Variants in PRRX2 observed in about 807,000 individuals in gnomAD.
The protein encoded by PRRX2 is paired mesoderm homeobox protein 2.
Under a neutral mutation model 18.0 loss-of-function variants are expected in PRRX2, and 11 were observed. The observed-to-expected ratio is 0.61, with a 90% CI of 0.39 to 1.01. The LOEUF is 1.01. Ranked by LOEUF, PRRX2 falls within the 50% of genes least tolerant of loss-of-function variation. The pLI is 0.01. For synonymous variants in PRRX2, 177 were observed against 154.8 expected (o/e 1.14, Z -1.06); for missense variants, 387 against 351.0 (o/e 1.10, Z -0.82).
rs916225983 is a variant in PRRX2, at chr9:129,671,830, A to G, written c.259+5704A>G. ...GAGGAGGGATTTGGTTTTGGATCAC[A>G]AGTCCAGGCCTCCCTCTCCTGCACA... On this transcript the variant is annotated intron_variant, in intron 1 of 3. Transcript: ENST00000372469. This position sits in a 1 kb window ranked among gnomAD's most constrained non-coding sequence, Gnocchi z 4.0. Among the ~76,000 whole-genome samples, 1 of 152,112 alleles carries G rather than the reference A, an allele frequency of 6.6e-6. No individual in the cohort carries two copies. The highest frequency in any genetic ancestry group is 6.5e-5 in the Admixed American group (1 of 15,274).
intron 1 of PRRX2, among the ~76,000 whole-genome samples, chr9:129,677,059 T>C (rs1463510678): frequency 6.6e-6 from 1 of 152,244 alleles, no homozygotes; most frequent in Non-Finnish European, 1.5e-5. Flanking sequence ...GAAAACTGCA[T>C]AGGATTCTCC....
intron 1 of PRRX2, among the ~76,000 whole-genome samples, chr9:129,699,399 G>A (rs540671473): frequency 7.0e-4 from 106 of 152,180 alleles, no homozygotes; most frequent in Non-Finnish European, 1.2e-3. Context: ...ACTGCAGCCT[G>A]GGCAACAGGG....
intron 1 of PRRX2, among the ~76,000 whole-genome samples, chr9:129,699,057 C>G (rs1564151191): frequency 6.6e-6 from 1 of 152,242 alleles, no homozygotes; most frequent in African/African-American, 2.4e-5. Flanking sequence ...TGAGCACCAG[C>G]AAAGCCAGGC....
intron 1 of PRRX2, among the ~76,000 whole-genome samples, chr9:129,716,251 A>G (rs1408815553): frequency 6.6e-6 from 1 of 152,170 alleles, no homozygotes; most frequent in Non-Finnish European, 1.5e-5. Flanking sequence ...GCATTGTGGC[A>G]TTCTTCTAGT....
chr9:129,684,326 TC>T (rs888517708), intron 1 of PRRX2, among the ~76,000 whole-genome samples: 7 of 151,906 alleles, frequency 4.6e-5, no homozygotes, highest in African/African-American at 1.7e-4. Flanking sequence ...CACTGCTGGA[TC>T]CAGGCTTAAG....
chr9:129,690,540 T>C (rs1832348907), intron 1 of PRRX2, among the ~76,000 whole-genome samples: 1 of 144,244 alleles, frequency 6.9e-6, no homozygotes, highest in Non-Finnish European at 1.5e-5. Flanking sequence ...GGAGTCTCGC[T>C]CTGTCACCCA....
intron 1 of PRRX2, among the ~76,000 whole-genome samples, chr9:129,711,033 A>C (rs1471685101): frequency 6.6e-6 from 1 of 152,108 alleles, no homozygotes; most frequent in Non-Finnish European, 1.5e-5. Flanking sequence ...CTGAAGCCAC[A>C]TGCTGCAGCC....
intron 1 of PRRX2, among the ~76,000 whole-genome samples, chr9:129,666,998 C>T (rs1008470694): frequency 1.3e-5 from 2 of 152,314 alleles, no homozygotes; most frequent in South Asian, 2.1e-4. Flanking sequence ...ACCCTGTTCC[C>T]GGCACCAGCC....
At chr9:129,685,686 T>C (rs1213143469) in intron 1 of PRRX2, among the ~76,000 whole-genome samples, 1 of 152,216 alleles carries the variant, frequency 6.6e-6, no homozygotes, top group Non-Finnish European at 1.5e-5. Context: ...TTAAAAACAA[T>C]TTCCAGTCTC....
intron 1 of PRRX2, among the ~76,000 whole-genome samples, chr9:129,708,934 A>G (rs966715670): frequency 1.3e-5 from 2 of 152,260 alleles, no homozygotes; most frequent in Non-Finnish European, 2.9e-5. Context: ...CAAATGTGGG[A>G]TAGACAGGCA....
intron 1 of PRRX2, among the ~76,000 whole-genome samples, chr9:129,677,422 G>A (rs753026980): frequency 2.0e-5 from 3 of 152,368 alleles, no homozygotes; most frequent in South Asian, 2.1e-4. Flanking sequence ...CCAAGGAGCC[G>A]CGCGGGGTTC....
chr9:129,707,120 G>A (rs1004217336), intron 1 of PRRX2, among the ~76,000 whole-genome samples: 2 of 152,064 alleles, frequency 1.3e-5, no homozygotes, highest in Non-Finnish European at 2.9e-5. Flanking sequence ...GCCAGGCATG[G>A]TGGCTGGCAC....
chr9:129,675,820 CCT>C lies in PRRX2; in HGVS notation c.259+9700_259+9701del, dbSNP rs1380738817. Among the ~76,000 whole-genome samples, 3 of 152,358 alleles carry C rather than the reference CCT, an allele frequency of 2.0e-5. No individual in the cohort carries two copies. The highest frequency in any genetic ancestry group is 1.9e-4 in the East Asian group (1 of 5,182). On this transcript the variant is annotated intron_variant, in intron 1 of 3. Coordinates refer to ENST00000372469, the MANE Select transcript of PRRX2 (RefSeq NM_016307.4). This position sits in a 1 kb window ranked among gnomAD's most constrained non-coding sequence, Gnocchi z 4.4. ...GGCGCGCCTGGCAGGGGCCTCGCAG[CCT>C]CTCTCGCCGCCAGAGCTCTGCGCGG...
chr9:129,697,737 C>G (rs1007447456), intron 1 of PRRX2, among the ~76,000 whole-genome samples: 1 of 152,040 alleles, frequency 6.6e-6, no homozygotes, highest in East Asian at 1.9e-4. Context: ...GGCCCTGTCC[C>G]GGGGGAGGGA....
chr9:129,704,256 C>T (rs1263104488), intron 1 of PRRX2, among the ~76,000 whole-genome samples: 1 of 151,702 alleles, frequency 6.6e-6, no homozygotes, highest in Non-Finnish European at 1.5e-5. Flanking sequence ...GGTTAGCAGT[C>T]ATTTCTGGAG....
intron 1 of PRRX2, among the ~76,000 whole-genome samples, chr9:129,672,764 G>A (rs896433589): frequency 3.9e-5 from 6 of 152,120 alleles, no homozygotes; most frequent in African/African-American, 9.7e-5. Flanking sequence ...TAACCGGAAC[G>A]GCCTCCCTCA....
rs144109084 is a variant in PRRX2, at chr9:129,678,044, A to G, written c.259+11918A>G. Among the ~76,000 whole-genome samples the G allele has an allele frequency of 4.1e-3, 594 of 143,624 alleles. 2 individuals carry two copies. The highest frequency in any genetic ancestry group is 0.015 in the African/African-American group (560 of 37,316). The allele number at this position is 143,624 out of a possible 152,430, so 94.2% of individuals were successfully genotyped here. A position where few individuals can be genotyped will look rare whatever the true frequency, so the allele number is the denominator to read the frequency against. On this transcript the variant is annotated intron_variant, in intron 1 of 3. Transcript: ENST00000372469. ...AGTGGCGCAATCTCGGCTCGCTACA[A>G]CCTCCGCCTCCAGGGTTCAGGTGAT...
chr9:129,693,679 C>A (rs1207275841), intron 1 of PRRX2, among the ~76,000 whole-genome samples: 1 of 151,804 alleles, frequency 6.6e-6, no homozygotes. Flanking sequence ...TATTTATGTG[C>A]AGGAGGAAGA....
intron 1 of PRRX2, among the ~76,000 whole-genome samples, chr9:129,716,608 C>T (rs1307493299): frequency 6.6e-6 from 1 of 152,068 alleles, no homozygotes; most frequent in Non-Finnish European, 1.5e-5. Context: ...GCATGCACCA[C>T]CACACTTGGC....
Sources: gnomAD v4.1 joint callset for allele counts (sites outside exome capture counted in the v4.1 genomes callset) on GRCh38, gnomAD v4.1.1 for gene constraint, Gnocchi (gnomAD v3.1) non-coding constraint, MANE v1.5 for transcripts, NCBI Gene and HGNC (gene_info 2026-07-23, HGNC 2026-07-21) for gene names.